Variants in CYB5R3 observed in about 807,000 individuals in gnomAD.
CYB5R3 encodes cytochrome b5 reductase 3.
CYB5R3 carries 28 observed loss-of-function variants against 36.5 expected under a neutral mutation model. The observed-to-expected ratio is 0.77, with a 90% CI of 0.57 to 1.05. The LOEUF is 1.05. Ranked by LOEUF, CYB5R3 falls within the 50% of genes least tolerant of loss-of-function variation. The pLI is 0.00. For missense variants in CYB5R3, 474 were observed against 408.9 expected (o/e 1.16, Z -1.37); for synonymous variants, 181 against 159.8 (o/e 1.13, Z -1.00).
intron 5 of CYB5R3, 60 bp downstream of exon 5, chr22:42,628,090 ACG>A: frequency 6.2e-7 from 1 of 1,609,530 alleles, no homozygotes; most frequent in South Asian, 1.1e-5. Context: ...TGCACCCAGC[ACG>A]CCCAAGCTCT....
chr22:42,646,342 T>C (rs1387770216), intron 1 of CYB5R3, among the ~76,000 whole-genome samples: 1 of 152,048 alleles, frequency 6.6e-6, no homozygotes. Context: ...CACCCGCCTC[T>C]CCTTGCCTCT....
intron 1 of CYB5R3, among the ~76,000 whole-genome samples, chr22:42,648,808 G>A (rs1302654545): frequency 6.6e-6 from 1 of 151,936 alleles, no homozygotes; most frequent in African/African-American, 2.4e-5. Flanking sequence ...TTCAGTCGCA[G>A]TCAGTGACAT....
At chr22:42,621,058 T>C (rs1927936042) in intron 8 of CYB5R3, among the ~76,000 whole-genome samples, 1 of 152,246 alleles carries the variant, frequency 6.6e-6, no homozygotes, top group Non-Finnish European at 1.5e-5. Flanking sequence ...AATAGTTTTA[T>C]AGCTGGGCAA....
chr22:42,647,752 G>A lies in CYB5R3; in HGVS notation c.21+1543C>T, dbSNP rs8190381. Among the ~76,000 whole-genome samples the A allele has an allele frequency of 5.3e-3, 809 of 152,040 alleles. 10 individuals are homozygous for A. Among genetic ancestry groups the A allele is most frequent in the African/African-American group, 0.019 (773 of 41,488 alleles). On this transcript the variant is annotated intron_variant, in intron 1 of 8. Coordinates refer to ENST00000352397, the MANE Select transcript of CYB5R3 (RefSeq NM_000398.7). ...AAAACTTAGCCAGGCATATTGGCACGTGCCTGTACTCAGGACACTGAGGTA... is the reference window on the plus strand; with the variant it reads ...AAAACTTAGCCAGGCATATTGGCACATGCCTGTACTCAGGACACTGAGGTA...
chr22:42,628,876 C>T (rs1005903707), intron 4 of CYB5R3, among the ~76,000 whole-genome samples: 1 of 152,102 alleles, frequency 6.6e-6, no homozygotes, highest in African/African-American at 2.4e-5. Flanking sequence ...GGGGGAGGGA[C>T]AGCGTGTACA....
intron 1 of CYB5R3, among the ~76,000 whole-genome samples, chr22:42,645,142 A>G (rs1929479187): frequency 6.6e-6 from 1 of 152,140 alleles, no homozygotes; most frequent in Non-Finnish European, 1.5e-5. Context: ...CAAGTCCCCG[A>G]ATGCTGGCCT....
chr22:42,640,259 G>A (rs774108301), intron 1 of CYB5R3: 10 of 1,565,774 alleles, frequency 6.4e-6, no homozygotes, highest in African/African-American at 5.4e-5. Flanking sequence ...ACAAGGTTAC[G>A]GACAAATGGA....
At chr22:42,631,705 C>T (rs1928631296) in intron 2 of CYB5R3, 4 of 571,528 alleles carry the variant, frequency 7.0e-6, no homozygotes, top group Non-Finnish European at 1.3e-5. Context: ...ACAAGGTGGC[C>T]AGAACAGGGA....
rs8190369 is a variant in CYB5R3, at chr22:42,649,381, C to T, written c.-66G>A. 9.9e-4 allele frequency: 539 copies of T among 546,024 alleles called. 4 individuals carry two copies. The African/African-American group carries it at 0.01, about 10-fold the overall frequency. 33.8% of individuals were successfully genotyped at this position (546,024 alleles called of 1,614,324 possible). ...GCCGCCGAGACCGTCGCGCCCGGGC[C>T]CGCGTCACTCCGGAGCAGGGGCGGG... On this transcript the variant is annotated 5_prime_UTR_variant, in exon 1 of 9. Transcript: ENST00000352397.
At position 42,627,299 on chromosome 22, in the gene CYB5R3, C is replaced by T. The variant is rs1928322565; in HGVS notation, c.633+5G>A. The T allele has an allele frequency of 8.1e-6, 13 of 1,613,592 alleles. No homozygotes were observed. Among genetic ancestry groups the T allele is most frequent in the Middle Eastern group, 1.6e-4 (1 of 6,080 alleles). On this transcript the variant is annotated splice_donor_5th_base_variant and intron_variant, in intron 7 of 8. Coordinates refer to ENST00000352397, the MANE Select transcript of CYB5R3 (RefSeq NM_000398.7). Reference sequence around the variant, plus strand: ...AGTTTCCCCATCATGGGGATGCCCACTGACCTGGTTGGCAAAGAGCAGGTG... The same window carrying T: ...AGTTTCCCCATCATGGGGATGCCCATTGACCTGGTTGGCAAAGAGCAGGTG...
chr22:42,636,333 T>G (rs531508276), intron 2 of CYB5R3, among the ~76,000 whole-genome samples: 1 of 152,036 alleles, frequency 6.6e-6, no homozygotes, highest in Non-Finnish European at 1.5e-5. Flanking sequence ...GGTGTCCAGG[T>G]CCAGTAGTAC....
At chr22:42,635,655 C>T (rs1241181744) in intron 2 of CYB5R3, among the ~76,000 whole-genome samples, 1 of 152,218 alleles carries the variant, frequency 6.6e-6, no homozygotes, top group Non-Finnish European at 1.5e-5. Flanking sequence ...CGGCCAGCTC[C>T]GTGCCATGGA....
At chr22:42,631,567 C>T in intron 2 of CYB5R3, 117 bp from the exon 3 acceptor site, 1 of 875,754 alleles carries the variant, frequency 1.1e-6, no homozygotes, top group African/African-American at 1.7e-5. Flanking sequence ...TTCCCCAGTG[C>T]CTGCTTGTCC....
intron 2 of CYB5R3, among the ~76,000 whole-genome samples, chr22:42,634,477 G>A (rs150104600): frequency 0.021 from 3,261 of 151,738 alleles, 110 homozygotes; most frequent in African/African-American, 0.074. Flanking sequence ...ACAGAGTTTC[G>A]CTCTTGTCAC....
At position 42,618,426 on chromosome 22, in the gene CYB5R3, A is replaced by G. The variant is rs958050842; in HGVS notation, c.*1347T>C. The G allele has an allele frequency of 6.7e-6, 1 of 148,514 alleles. No homozygotes were observed. The highest frequency in any genetic ancestry group is 6.7e-5 in the Admixed American group (1 of 14,956). The allele number at this position is 148,514 out of a possible 1,614,324, so 9.2% of individuals were successfully genotyped here. Reference sequence around the variant, plus strand: ...GTGGCGGGCGCCTGTAGTCCCAGCTACTTGGGAGGCTGAGGCAGGAGAATG... The same window carrying G: ...GTGGCGGGCGCCTGTAGTCCCAGCTGCTTGGGAGGCTGAGGCAGGAGAATG... On this transcript the variant is annotated 3_prime_UTR_variant, in exon 9 of 9. Transcript: ENST00000352397.
intron 1 of CYB5R3, chr22:42,646,556 G>C (rs1929548054): frequency 1.4e-6 from 1 of 720,740 alleles, no homozygotes; most frequent in Admixed American, 6.3e-5. Context: ...AGCTGCCAGG[G>C]CCCCCGACCT....
intron 1 of CYB5R3, among the ~76,000 whole-genome samples, chr22:42,647,431 C>A (rs1356023100): frequency 2.0e-5 from 3 of 152,164 alleles, no homozygotes; most frequent in African/African-American, 7.2e-5. Context: ...GGCAACATAG[C>A]AAGACATTGT....
intron 2 of CYB5R3, among the ~76,000 whole-genome samples, chr22:42,634,457 T>A (rs1195899779): frequency 2.0e-5 from 3 of 152,122 alleles, no homozygotes; most frequent in Non-Finnish European, 2.9e-5. Flanking sequence ...TTATTTTTTA[T>A]TTTTTTGAAA....
At chr22:42,631,570 G>A in intron 2 of CYB5R3, 120 bp from the exon 3 acceptor site, 2 of 871,098 alleles carry the variant, frequency 2.3e-6, no homozygotes, top group Non-Finnish European at 3.8e-6. Flanking sequence ...CCCAGTGCCT[G>A]CTTGTCCTTG....
Sources: allele counts gnomAD v4.1 joint callset (sites outside exome capture counted in the v4.1 genomes callset), GRCh38; gene constraint gnomAD v4.1.1; transcripts MANE v1.5; gene names NCBI Gene and HGNC (gene_info 2026-07-23, HGNC 2026-07-21).